Variants in RASA1 observed in about 807,000 individuals in gnomAD.
RASA1 encodes the protein ras GTPase-activating protein 1.
In RASA1, 25 loss-of-function variants were observed where a neutral mutation model predicts 132.2. The ratio of observed to expected loss-of-function variants is 0.19; its 90% CI spans 0.14 to 0.26. The LOEUF (loss-of-function observed/expected upper bound fraction) is 0.26, where lower values mean the gene tolerates loss of function less well. Among genes scored for constraint, RASA1 ranks in the 10% least tolerant of loss-of-function variants. RASA1 has a pLI of 1.00. For synonymous variants in RASA1, 477 were observed against 449.9 expected, an observed-to-expected ratio of 1.06 and a Z score of -0.76; for missense variants, 964 against 1,299.2, an observed-to-expected ratio of 0.74 and a Z score of 3.97.
intron 1 of RASA1, among the ~76,000 whole-genome samples, chr5:87,292,367 C>CTT (rs76957126): frequency 2.5e-4 from 30 of 120,228 alleles, no homozygotes; most frequent in African/African-American, 5.7e-4. Flanking sequence ...TGTTTACATT[C>CTT]TTTTTTTTTT....
intron 1 of RASA1, among the ~76,000 whole-genome samples, chr5:87,269,616 T>C (rs563755885): frequency 7.9e-5 from 12 of 152,302 alleles, no homozygotes; most frequent in Admixed American, 2.0e-4. Flanking sequence ...TCTTCTTCCA[T>C]AGGCTTGCCA....
chr5:87,364,323 G>A (rs1760341552), intron 11 of RASA1, among the ~76,000 whole-genome samples: 1 of 152,026 alleles, frequency 6.6e-6, no homozygotes, highest in Non-Finnish European at 1.5e-5. Flanking sequence ...AGTGTGTTTA[G>A]GAGATCACAT....
At chr5:87,287,747 T>C (rs1342355393) in intron 1 of RASA1, among the ~76,000 whole-genome samples, 2 of 135,394 alleles carry the variant, frequency 1.5e-5, no homozygotes, top group African/African-American at 2.8e-5. Flanking sequence ...GCCATAGATA[T>C]ACCATTATGT....
At chr5:87,275,880 T>C (rs1042992033) in intron 1 of RASA1, among the ~76,000 whole-genome samples, 3 of 152,334 alleles carry the variant, frequency 2.0e-5, no homozygotes, top group Non-Finnish European at 2.9e-5. Flanking sequence ...CTTGGCCTTC[T>C]TCATAGCATG....
intron 11 of RASA1, chr5:87,366,306 TGAA>T: frequency 2.7e-6 from 1 of 368,000 alleles, no homozygotes; most frequent in Non-Finnish European, 5.6e-6. Flanking sequence ...TCTGTAAGAT[TGAA>T]GAAAAGCTTT....
intron 1 of RASA1, among the ~76,000 whole-genome samples, chr5:87,282,107 A>G (rs1037166803): frequency 8.6e-5 from 13 of 151,920 alleles, no homozygotes; most frequent in Non-Finnish European, 1.6e-4. Context: ...TCAGTCATCA[A>G]CTATGATTTG....
Position 87,308,483 on chromosome 5 carries a change from G to A in RASA1, c.540-22865G>A, listed in dbSNP as rs1261054175. ...GTTCTTGATTGGAGATTATTCTGCT[G>A]CAAGTAATGTGACAAGTATTATAAC... On this transcript the variant is annotated intron_variant, in intron 1 of 24. Coordinates refer to ENST00000274376, the MANE Select transcript of RASA1 (RefSeq NM_002890.3). Among the ~76,000 whole-genome samples, 3 of 151,834 alleles carry A rather than the reference G, an allele frequency of 2.0e-5. No individual in the cohort carries two copies. The East Asian group carries it at 5.8e-4, about 29-fold the overall frequency.
chr5:87,371,723 G>T (rs1187266251), intron 12 of RASA1, among the ~76,000 whole-genome samples: 1 of 152,032 alleles, frequency 6.6e-6, no homozygotes, highest in Non-Finnish European at 1.5e-5. Flanking sequence ...CTCTCACAAA[G>T]TGTATCAAGT....
At chr5:87,301,178 T>G (rs1405316292) in intron 1 of RASA1, among the ~76,000 whole-genome samples, 1 of 152,230 alleles carries the variant, frequency 6.6e-6, no homozygotes, top group Non-Finnish European at 1.5e-5. Context: ...GTGTTTAGTG[T>G]AGATATAATT....
intron 1 of RASA1, among the ~76,000 whole-genome samples, chr5:87,271,452 C>CTTATTTTTT: frequency 2.6e-5 from 1 of 38,228 alleles, no homozygotes; most frequent in Non-Finnish European, 5.0e-5. Flanking sequence ...TAGTAGACTT[C>CTTATTTTTT]TTTTTTTTTT....
At chr5:87,363,722 A>G (rs1215742576) in intron 11 of RASA1, among the ~76,000 whole-genome samples, 3 of 152,042 alleles carry the variant, frequency 2.0e-5, no homozygotes, top group Non-Finnish European at 4.4e-5. Flanking sequence ...CATTTCCTGT[A>G]GTAAAGCATG....
intron 1 of RASA1, among the ~76,000 whole-genome samples, chr5:87,329,991 G>A (rs1408337475): frequency 6.6e-6 from 1 of 152,092 alleles, no homozygotes; most frequent in East Asian, 1.9e-4. Flanking sequence ...GATAATGGCT[G>A]AACTAAGATT....
intron 1 of RASA1, among the ~76,000 whole-genome samples, chr5:87,287,246 CGT>C (rs1237457979): frequency 7.2e-6 from 1 of 139,028 alleles, no homozygotes; most frequent in Non-Finnish European, 1.5e-5. Flanking sequence ...ATATATATAC[CGT>C]ATATATACAC....
chr5:87,369,452 G>C (rs1760767458), intron 11 of RASA1, among the ~76,000 whole-genome samples: 1 of 152,042 alleles, frequency 6.6e-6, no homozygotes, highest in African/African-American at 2.4e-5. Context: ...AACATTTTTG[G>C]TCTAAGAACA....
At chr5:87,374,035 T>C in intron 13 of RASA1, 128 bp from the exon 14 acceptor site, 1 of 809,580 alleles carries the variant, frequency 1.2e-6, no homozygotes, top group South Asian at 4.8e-5. Context: ...AAAGCTCACA[T>C]TTTCTGAAAA....
chr5:87,373,234 T>C (rs1263355796), intron 13 of RASA1, among the ~76,000 whole-genome samples: 1 of 151,196 alleles, frequency 6.6e-6, no homozygotes, highest in African/African-American at 2.5e-5. Context: ...CAGTGGACTC[T>C]ACCAACCATG....
rs540735932 is a variant in RASA1, at chr5:87,312,392, C to T, written c.540-18956C>T. ...AATTTTTTTTGGAGAATATATTTTACGTGAAGAATATGTTATCTGTATTAA... is the reference window on the plus strand; with the variant it reads ...AATTTTTTTTGGAGAATATATTTTATGTGAAGAATATGTTATCTGTATTAA... On this transcript the variant is annotated intron_variant, in intron 1 of 24. Coordinates refer to ENST00000274376, the MANE Select transcript of RASA1 (RefSeq NM_002890.3). Among the ~76,000 whole-genome samples, 10 of 152,174 alleles carry T rather than the reference C, an allele frequency of 6.6e-5. No homozygotes were observed. In the South Asian group the frequency reaches 1.9e-3, roughly 28 times the overall value.
chr5:87,301,436 TAAAG>T (rs1241470162), intron 1 of RASA1, among the ~76,000 whole-genome samples: 1 of 152,160 alleles, frequency 6.6e-6, no homozygotes, highest in Non-Finnish European at 1.5e-5. Flanking sequence ...AATCCATACT[TAAAG>T]AACCCCAGAA....
intron 14 of RASA1, 66 bp downstream of exon 14, chr5:87,374,386 T>C: frequency 2.1e-6 from 3 of 1,461,886 alleles, no homozygotes; most frequent in Admixed American, 1.8e-5. Context: ...TTCTGTTTTT[T>C]TGGTCTCTGT....
Sources: gnomAD v4.1 joint callset for allele counts (sites outside exome capture counted in the v4.1 genomes callset) on GRCh38, gnomAD v4.1.1 for gene constraint, MANE v1.5 for transcripts, NCBI Gene and HGNC (gene_info 2026-07-23, HGNC 2026-07-21) for gene names.